The following OR10R2 variants were observed in gnomAD, a reference collection of about 807,000 sequenced individuals.
OR10R2 encodes olfactory receptor family 10 subfamily R member 2, also known as olfactory receptor 10R2.
OR10R2 carries 1 observed loss-of-function variant against 2.4 expected under a neutral mutation model. The observed-to-expected ratio is 0.41, with a 90% CI of 0.15 to 1.95. OR10R2 has a LOEUF of 1.95. Among genes scored for constraint, OR10R2 ranks in the 30% most tolerant of loss-of-function variants. OR10R2 has a pLI of 0.30. For synonymous variants in OR10R2, 166 were observed against 144.8 expected (o/e 1.15, Z -1.05); for missense variants, 419 against 373.0 (o/e 1.12, Z -1.01).
rs76178278 is a variant in OR10R2, at chr1:158,473,016, A to T, written c.27+664A>T. On this transcript the variant is annotated intron_variant, in intron 1 of 1. Transcript: ENST00000641067. ...GGAGGATTAATTTATTTGCTCAAAG[A>T]AAATGCTGAAATAAGAATGTGAATT... Among the ~76,000 whole-genome samples, 1,128 of 152,344 alleles carry T rather than the reference A, an allele frequency of 7.4e-3. 18 individuals carry two copies. Among genetic ancestry groups the T allele is most frequent in the African/African-American group, 0.026 (1,068 of 41,582 alleles).
chr1:158,480,277 C>T, exon 2 of OR10R2: 3 of 1,614,082 alleles, frequency 1.9e-6, no homozygotes, highest in Non-Finnish European at 2.5e-6. Context: ...CAACTGCCTG[C>T]TATTGGGTGT....
At chr1:158,476,346 G>C (rs943106263) in intron 1 of OR10R2, among the ~76,000 whole-genome samples, 9 of 151,902 alleles carry the variant, frequency 5.9e-5, no homozygotes, top group African/African-American at 2.2e-4. Context: ...AGGAGATCGA[G>C]ATCATCCTGG....
chr1:158,477,124 A>G (rs1295534265), intron 1 of OR10R2, among the ~76,000 whole-genome samples: 1 of 152,220 alleles, frequency 6.6e-6, no homozygotes. Flanking sequence ...GAAAATTTTC[A>G]ATAAAATCTA....
At chr1:158,480,328 C>A (rs985124422) in exon 2 of OR10R2, 7 of 1,614,142 alleles carry the variant, frequency 4.3e-6, no homozygotes, top group Non-Finnish European at 5.9e-6. Flanking sequence ...TCACCCTCTG[C>A]ATTACCCCAC....
intron 1 of OR10R2, among the ~76,000 whole-genome samples, chr1:158,473,552 A>C (rs1032613048): frequency 6.6e-6 from 1 of 152,208 alleles, no homozygotes; most frequent in Non-Finnish European, 1.5e-5. Flanking sequence ...GATCTGCCCT[A>C]ACACAGGAAA....
intron 1 of OR10R2, among the ~76,000 whole-genome samples, chr1:158,477,990 G>T (rs1656302661): frequency 6.6e-6 from 1 of 152,056 alleles, no homozygotes; most frequent in East Asian, 1.9e-4. Context: ...AAAAAACTAA[G>T]AAAGCAAGCT....
chr1:158,472,452 T>A, intron 1 of OR10R2, 100 bp downstream of exon 1: 1 of 398,304 alleles, frequency 2.5e-6, no homozygotes, highest in Non-Finnish European at 4.4e-6. Flanking sequence ...CTTAGATTTT[T>A]CCTTAAAGGG....
chr1:158,473,585 G>A (rs2101671216), intron 1 of OR10R2, among the ~76,000 whole-genome samples: 1 of 152,260 alleles, frequency 6.6e-6, no homozygotes, highest in Admixed American at 6.5e-5. Context: ...TATAAGACAT[G>A]GCTCTTTGCA....
intron 1 of OR10R2, among the ~76,000 whole-genome samples, chr1:158,478,594 A>AT (rs1483629909): frequency 6.6e-6 from 1 of 152,100 alleles, no homozygotes; most frequent in Non-Finnish European, 1.5e-5. Context: ...CCCAATTTTC[A>AT]TTTTTTCATA....
chr1:158,474,910 GT>G (rs1557875424), intron 1 of OR10R2, among the ~76,000 whole-genome samples: 1 of 151,794 alleles, frequency 6.6e-6, no homozygotes, highest in African/African-American at 2.4e-5. Context: ...GTCTTAAAAC[GT>G]ATTTTCCTAT....
chr1:158,480,931 C>T, exon 2 of OR10R2: 3 of 877,892 alleles, frequency 3.4e-6, no homozygotes, highest in Non-Finnish European at 3.4e-6. Context: ...GCCTTTTTAT[C>T]ACAAGCATAT....
At chr1:158,478,503 T>C (rs79791428) in intron 1 of OR10R2, among the ~76,000 whole-genome samples, 13,997 of 152,254 alleles carry the variant, frequency 0.092, 720 homozygotes, top group Middle Eastern at 0.18. Context: ...TAAGATTTAA[T>C]TAACTGTTAC....
intron 1 of OR10R2, among the ~76,000 whole-genome samples, chr1:158,472,769 T>C (rs1656187859): frequency 6.6e-6 from 1 of 152,096 alleles, no homozygotes; most frequent in Non-Finnish European, 1.5e-5. Context: ...GCAGATAAAA[T>C]AATGCTCAAG....
At chr1:158,480,592 C>G (rs1418843) in exon 2 of OR10R2, 1 of 1,613,122 alleles carries the variant, frequency 6.2e-7, no homozygotes, top group Non-Finnish European at 8.5e-7. Context: ...TGTTTCTTAT[C>G]TCTGCATTCT....
At chr1:158,480,139 A>G (rs1360071843) in exon 2 of OR10R2, 1 of 1,613,796 alleles carries the variant, frequency 6.2e-7, no homozygotes, top group Admixed American at 1.7e-5. Context: ...CATTCTCTCA[A>G]CATCTGAGAC....
At chr1:158,478,937 A>G (rs777139136) in intron 1 of OR10R2, among the ~76,000 whole-genome samples, 2 of 152,286 alleles carry the variant, frequency 1.3e-5, no homozygotes, top group East Asian at 1.9e-4. Context: ...CCCTCTGTTC[A>G]GGTATATAAT....
intron 1 of OR10R2, among the ~76,000 whole-genome samples, chr1:158,474,074 G>T (rs1467809236): frequency 2.7e-5 from 4 of 150,462 alleles, no homozygotes; most frequent in South Asian, 2.1e-4. Context: ...TACAACGTTT[G>T]CAGGGATTAT....
chr1:158,475,508 A>T (rs995921875), intron 1 of OR10R2, among the ~76,000 whole-genome samples: 3 of 151,956 alleles, frequency 2.0e-5, no homozygotes, highest in African/African-American at 7.2e-5. Flanking sequence ...TATATTTTTA[A>T]CATAAATTTT....
intron 1 of OR10R2, among the ~76,000 whole-genome samples, chr1:158,479,171 G>A (rs1020939906): frequency 6.6e-6 from 1 of 152,072 alleles, no homozygotes; most frequent in Non-Finnish European, 1.5e-5. Context: ...TGCTCCAAAA[G>A]CCTCTATTTA....
Sources: gnomAD v4.1 joint callset for allele counts (sites outside exome capture counted in the v4.1 genomes callset) on GRCh38, gnomAD v4.1.1 for gene constraint, MANE v1.5 for transcripts, NCBI Gene and HGNC (gene_info 2026-07-23, HGNC 2026-07-21) for gene names.